Variants in CLDN16 observed in about 807,000 individuals in gnomAD.
CLDN16 encodes the protein claudin 16.
CLDN16 carries 13 observed loss-of-function variants against 24.6 expected under a neutral mutation model. The observed-to-expected ratio is 0.53, with a 90% CI of 0.34 to 0.84. CLDN16 has a LOEUF of 0.84. Ranked by LOEUF, CLDN16 falls within the 40% of genes least tolerant of loss-of-function variation. CLDN16 has a pLI of 0.01. For missense variants in CLDN16, 298 were observed against 292.7 expected, an observed-to-expected ratio of 1.02 and a Z score of -0.13; for synonymous variants, 116 against 106.7, an observed-to-expected ratio of 1.09 and a Z score of -0.54.
chr3:190,398,144 C>G (rs2108665545), intron 1 of CLDN16, among the ~76,000 whole-genome samples: 1 of 152,294 alleles, frequency 6.6e-6, no homozygotes, highest in Non-Finnish European at 1.5e-5. Context: ...GGGCAGTCAG[C>G]TTTGAGAAGA....
In CLDN16 at chr3:190,355,219, A is replaced by G. The variant is rs146862082; in HGVS notation, n.122-15674A>G. ...AGATAATTAAATGTCTGTGATAAAC[A>G]GGGTTTGTCGTGGCTAGACTAAGAA... On this transcript the variant is annotated intron_variant and non_coding_transcript_variant, in intron 1 of 4. Transcript: ENST00000468220. Among the ~76,000 whole-genome samples the G allele has an allele frequency of 7.4e-3, 1,130 of 152,026 alleles. 14 individuals carry two copies. Among genetic ancestry groups the G allele is most frequent in the African/African-American group, 0.024 (1,011 of 41,518 alleles).
chr3:190,362,047 C>CCTGGTCTAAA (rs1717900324), intron 1 of CLDN16, among the ~76,000 whole-genome samples: 2 of 151,744 alleles, frequency 1.3e-5, no homozygotes, highest in African/African-American at 4.8e-5. Context: ...CCTGGTCTAA[C>CCTGGTCTAAA]CTGTGTAAAT....
In CLDN16 at chr3:190,350,660, C is replaced by G. The variant is rs546669346; in HGVS notation, n.122-20233C>G. Among the ~76,000 whole-genome samples, 3 of 152,208 alleles carry G rather than the reference C, an allele frequency of 2.0e-5. No individual in the cohort carries two copies. The East Asian group carries it at 5.8e-4, about 29-fold the overall frequency. ...AGAATGCACCTTCCAGACCTACAGGCAGCTTAATTGACTGGGCTCAGGCTA... is the reference window on the plus strand; with the variant it reads ...AGAATGCACCTTCCAGACCTACAGGGAGCTTAATTGACTGGGCTCAGGCTA... On this transcript the variant is annotated intron_variant and non_coding_transcript_variant, in intron 1 of 4. Transcript: ENST00000468220.
At chr3:190,299,299 A>G in the CLDN16 span, among the ~76,000 whole-genome samples, 2 of 151,972 alleles carry the variant, frequency 1.3e-5, no homozygotes, top group Admixed American at 6.6e-5. Flanking sequence ...TGTATTTGTT[A>G]TAATTGATCT....
Position 190,350,344 on chromosome 3 carries a change from T to TTATATATATATA in CLDN16, n.122-20538_122-20527dup, listed in dbSNP as rs10563626. 1.8e-3 allele frequency among the ~76,000 whole-genome samples: 259 copies of TTATATATATATA among 142,050 alleles called. 4 individuals carry two copies. The highest frequency in any genetic ancestry group is 5.2e-3 in the African/African-American group (200 of 38,792). The allele number at this position is 142,050 out of a possible 152,430, so 93.2% of individuals were successfully genotyped here. The stretch of plus-strand genomic sequence containing the variant: ...AGTTTAAGAATCATAGTTCATAATG[T>TTATATATATATA]TATATATATATATATATATATACTT... On this transcript the variant is annotated intron_variant and non_coding_transcript_variant, in intron 1 of 4. Transcript: ENST00000468220.
intron 1 of CLDN16, among the ~76,000 whole-genome samples, chr3:190,352,778 T>C (rs1041978899): frequency 6.7e-6 from 1 of 148,628 alleles, no homozygotes; most frequent in African/African-American, 2.5e-5. Context: ...TTATCGGGGC[T>C]CTGTTGTTTT....
At chr3:190,350,227 T>C (rs1410288587) in intron 1 of CLDN16, among the ~76,000 whole-genome samples, 1 of 152,056 alleles carries the variant, frequency 6.6e-6, no homozygotes, top group Admixed American at 6.6e-5. Flanking sequence ...TTTTGAGACA[T>C]GATTCATTTT....
intron 1 of CLDN16, among the ~76,000 whole-genome samples, chr3:190,323,187 C>T (rs1013055687): frequency 3.3e-5 from 5 of 152,174 alleles, no homozygotes; most frequent in Admixed American, 6.5e-5. Flanking sequence ...CCCTTCCCCG[C>T]CAAACACCAA....
At chr3:190,364,684 A>G (rs1165639145) in intron 1 of CLDN16, among the ~76,000 whole-genome samples, 1 of 151,884 alleles carries the variant, frequency 6.6e-6, no homozygotes, top group Non-Finnish European at 1.5e-5. Flanking sequence ...GGCTGCCTGC[A>G]CTGCAGTCTA....
chr3:190,345,514 G>C (rs1231504036), intron 1 of CLDN16, among the ~76,000 whole-genome samples: 2 of 152,074 alleles, frequency 1.3e-5, no homozygotes, highest in Admixed American at 1.3e-4. Context: ...CAAGCCTCGT[G>C]TTTTTCCAGA....
chr3:190,349,009 T>G (rs1051123768), intron 1 of CLDN16, among the ~76,000 whole-genome samples: 3 of 152,236 alleles, frequency 2.0e-5, no homozygotes, highest in Non-Finnish European at 4.4e-5. Flanking sequence ...TTCTTTTTCA[T>G]GGCTGCGTAA....
the CLDN16 span, chr3:190,310,071 AAG>A: frequency 1.0e-6 from 1 of 984,680 alleles, no homozygotes; most frequent in Non-Finnish European, 1.6e-6. Flanking sequence ...AAATTCTTGA[AAG>A]CAAATCTGGG....
At chr3:190,397,974 T>C (rs768034716) in intron 1 of CLDN16, among the ~76,000 whole-genome samples, 1 of 152,354 alleles carries the variant, frequency 6.6e-6, no homozygotes, top group South Asian at 2.1e-4. Flanking sequence ...ATGACAGGAA[T>C]GACCATAGTA....
At chr3:190,305,833 T>C in the CLDN16 span, 1 of 152,148 alleles carries the variant, frequency 6.6e-6, no homozygotes, top group Non-Finnish European at 1.5e-5. Flanking sequence ...AGATCAAAAT[T>C]GGATAAATTC....
intron 1 of CLDN16, among the ~76,000 whole-genome samples, chr3:190,393,784 T>A (rs1560095510): frequency 7.0e-6 from 1 of 143,290 alleles, no homozygotes; most frequent in Non-Finnish European, 1.5e-5. Context: ...AGAATCTCTC[T>A]CTGTCGCCCA....
chr3:190,397,594 T>C lies in CLDN16; in HGVS notation c.115-4743T>C, dbSNP rs553841201. Among the ~76,000 whole-genome samples, 15 of 152,256 alleles carry C rather than the reference T, an allele frequency of 9.9e-5. No homozygotes were observed. In the South Asian group the frequency reaches 2.9e-3, roughly 30 times the overall value. On this transcript the variant is annotated intron_variant, in intron 1 of 4. Coordinates refer to ENST00000264734, the MANE Select transcript of CLDN16 (RefSeq NM_006580.4). Reference sequence around the variant, plus strand: ...TACCAGAGAGCATTCCTAAATATAATAAAAAACATGAAAAATTGTAACCTT... The same window carrying C: ...TACCAGAGAGCATTCCTAAATATAACAAAAAACATGAAAAATTGTAACCTT...
At chr3:190,327,801 G>A (rs1717099648) in intron 1 of CLDN16, among the ~76,000 whole-genome samples, 1 of 152,220 alleles carries the variant, frequency 6.6e-6, no homozygotes, top group South Asian at 2.1e-4. Flanking sequence ...TAAGTGAGGG[G>A]TAACTAACGG....
intron 4 of CLDN16, among the ~76,000 whole-genome samples, chr3:190,409,318 A>ACACATGTATATGTATGTATATATGCG (rs1209193414): frequency 4.6e-5 from 7 of 152,006 alleles, no homozygotes; most frequent in African/African-American, 1.7e-4. Context: ...GTATATATGC[A>ACACATGTATATGTATGTATATATGCG]CACATGTATA....
chr3:190,303,893 A>C, the CLDN16 span, among the ~76,000 whole-genome samples: 1 of 79,468 alleles, frequency 1.3e-5, no homozygotes, highest in Non-Finnish European at 2.3e-5. Context: ...CCCACAAAAC[A>C]CAAAAAAAAG....
Sources: allele counts gnomAD v4.1 joint callset (sites outside exome capture counted in the v4.1 genomes callset), GRCh38; gene constraint gnomAD v4.1.1; transcripts MANE v1.5; gene names NCBI Gene and HGNC (gene_info 2026-07-23, HGNC 2026-07-21).